The following STK24 variants were observed in gnomAD, a reference collection of about 807,000 sequenced individuals.
The protein encoded by STK24 is serine/threonine kinase 24.
A neutral mutation model predicts 55.6 loss-of-function variants in STK24; 21 were observed. The ratio of observed to expected loss-of-function variants is 0.38; its 90% CI spans 0.27 to 0.54. STK24 has a LOEUF of 0.54. Ranked by LOEUF, STK24 falls within the 20% of genes least tolerant of loss-of-function variation. STK24 has a pLI of 0.79. For missense variants in STK24, 383 were observed against 538.4 expected, an observed-to-expected ratio of 0.71 and a Z score of 2.86; for synonymous variants, 200 against 215.2, an observed-to-expected ratio of 0.93 and a Z score of 0.62.
chr13:98,453,040 C>T lies in STK24; in HGVS notation c.*133G>A, dbSNP rs528639088. On this transcript the variant is annotated 3_prime_UTR_variant, in exon 11 of 11. Transcript: ENST00000539966. ...AAGACTGTGTGTGTCCCTGGACGGG[C>T]GCCTGGCGCTGGGGTGGCTCCCAGT... is the stretch of plus-strand genomic sequence containing the variant. 555 of 948,850 alleles carry T rather than the reference C, an allele frequency of 5.8e-4. No individual in the cohort carries two copies. Among genetic ancestry groups the T allele is most frequent in the Non-Finnish European group, 7.6e-4 (475 of 625,616 alleles). The allele number at this position is 948,850 out of a possible 1,614,324, so 58.8% of individuals were successfully genotyped here. A position where few individuals can be genotyped will look rare whatever the true frequency, so the allele number is the denominator to read the frequency against.
At position 98,453,000 on chromosome 13, in the gene STK24, G is replaced by A; in HGVS notation, c.*173C>T. The stretch of plus-strand genomic sequence containing the variant: ...CCCACCCATCTGAGAGACTTCATCT[G>A]GCTGCAGCACAGTGAAGACTGTGTG... On this transcript the variant is annotated 3_prime_UTR_variant, in exon 11 of 11. Transcript: ENST00000539966. 1.7e-6 allele frequency: 1 copy of A among 571,504 alleles called. No individual in the cohort carries two copies. Among genetic ancestry groups the A allele is most frequent in the South Asian group, 2.6e-5 (1 of 38,194 alleles). The allele number at this position is 571,504 out of a possible 1,614,324, so 35.4% of individuals were successfully genotyped here. A position where few individuals can be genotyped will look rare whatever the true frequency, so the allele number is the denominator to read the frequency against.
At chr13:98,483,340 C>G (rs935757217) in intron 2 of STK24, among the ~76,000 whole-genome samples, 1 of 152,050 alleles carries the variant, frequency 6.6e-6, no homozygotes, top group South Asian at 2.1e-4. Context: ...GGGGTTCAGA[C>G]GTCAGCCTGC....
chr13:98,573,793 C>T (rs762612055), intron 1 of STK24, among the ~76,000 whole-genome samples: 2 of 152,152 alleles, frequency 1.3e-5, no homozygotes, highest in African/African-American at 4.8e-5. Flanking sequence ...CACAAATTTG[C>T]CACATAATAT....
chr13:98,460,449 A>G lies in STK24; in HGVS notation c.1054-9T>C, dbSNP rs1343547965. ...TTCGGGATGTCTTTCATCTTGGGGGAGAGGGAAAAAAAGGTCATCAGAAAC... is the reference window on the plus strand; with the variant it reads ...TTCGGGATGTCTTTCATCTTGGGGGGGAGGGAAAAAAAGGTCATCAGAAAC... On this transcript the variant is annotated splice_polypyrimidine_tract_variant and intron_variant, in intron 8 of 10. Coordinates refer to ENST00000539966, the MANE Select transcript of STK24 (RefSeq NM_001032296.4). 3.1e-6 allele frequency: 5 copies of G among 1,611,552 alleles called. No individual in the cohort carries two copies. Among genetic ancestry groups the G allele is most frequent in the Non-Finnish European group, 4.2e-6 (5 of 1,178,218 alleles).
intron 1 of STK24, among the ~76,000 whole-genome samples, chr13:98,538,032 C>T (rs898891049): frequency 2.6e-5 from 4 of 152,076 alleles, no homozygotes; most frequent in African/African-American, 9.7e-5. Context: ...TCACTTGTAG[C>T]TTCCACCCTG....
intron 2 of STK24, among the ~76,000 whole-genome samples, chr13:98,509,750 T>G (rs1759596714): frequency 6.6e-6 from 1 of 152,164 alleles, no homozygotes; most frequent in Admixed American, 6.5e-5. Flanking sequence ...TCTGCTTCCT[T>G]TAAACAGAAC....
At chr13:98,527,433 C>A (rs1369939427) in intron 1 of STK24, among the ~76,000 whole-genome samples, 1 of 152,322 alleles carries the variant, frequency 6.6e-6, no homozygotes, top group East Asian at 1.9e-4. Flanking sequence ...TGCAAAGGGG[C>A]AAGGTGCCGG....
intron 1 of STK24, among the ~76,000 whole-genome samples, chr13:98,547,663 G>A (rs866806729): frequency 2.0e-5 from 3 of 152,270 alleles, no homozygotes; most frequent in African/African-American, 4.8e-5. Flanking sequence ...GTAATGACAC[G>A]CCATGGGCTG....
intron 6 of STK24, among the ~76,000 whole-genome samples, chr13:98,464,286 G>A (rs1272687740): frequency 1.3e-5 from 2 of 151,586 alleles, no homozygotes; most frequent in East Asian, 4.0e-4. Context: ...GGGCGTGGTG[G>A]TGGGCGCCTG....
Position 98,576,906 on chromosome 13 carries a change from C to T in STK24, c.-120G>A. On this transcript the variant is annotated 5_prime_UTR_variant, in exon 1 of 11. Transcript: ENST00000539966. The stretch of plus-strand genomic sequence containing the variant: ...CGGCGGGGCCGGCCGGAGCCCGAGG[C>T]CACCCCAGCCCTGGCGGGTCCCGGC... The T allele has an allele frequency of 3.7e-6, 2 of 545,178 alleles. No homozygotes were observed. Among genetic ancestry groups the T allele is most frequent in the Non-Finnish European group, 4.6e-6 (2 of 430,414 alleles). 33.8% of individuals were successfully genotyped at this position (545,178 alleles called of 1,614,324 possible).
chr13:98,506,800 C>T (rs1895696414), intron 2 of STK24, among the ~76,000 whole-genome samples: 2 of 152,214 alleles, frequency 1.3e-5, no homozygotes, highest in African/African-American at 4.8e-5. Context: ...CTGAACTACC[C>T]AATAAATACG....
chr13:98,546,248 G>A (rs142732835), intron 1 of STK24, among the ~76,000 whole-genome samples: 105 of 152,216 alleles, frequency 6.9e-4, no homozygotes, highest in African/African-American at 2.5e-3. Context: ...ACACAGCATG[G>A]CACCTTATCC....
At chr13:98,540,362 T>A (rs1421709081) in intron 1 of STK24, among the ~76,000 whole-genome samples, 1 of 152,156 alleles carries the variant, frequency 6.6e-6, no homozygotes, top group African/African-American at 2.4e-5. Flanking sequence ...AAAATATGTA[T>A]CAATAAAGCT....
chr13:98,460,476 G>C, intron 8 of STK24, 36 bp from the exon 9 acceptor site: 1 of 1,574,258 alleles, frequency 6.4e-7, no homozygotes, highest in South Asian at 1.1e-5. Context: ...ATCAGAAACA[G>C]TTGACGTTCA....
At chr13:98,482,224 A>C in intron 3 of STK24, 41 bp downstream of exon 3, 1 of 1,203,406 alleles carries the variant, frequency 8.3e-7, no homozygotes, top group Non-Finnish European at 1.2e-6. Context: ...TTTCCTGAGA[A>C]AAAGCTTTGA....
chr13:98,495,113 A>G (rs1477842186), intron 2 of STK24, among the ~76,000 whole-genome samples: 3 of 152,242 alleles, frequency 2.0e-5, no homozygotes, highest in Non-Finnish European at 4.4e-5. Flanking sequence ...ACAAGATTCA[A>G]GAAAGGGGCC....
rs150492286 is a variant in STK24 at position 98,446,722 on chromosome 13, T to G, written c.*6451A>C. On this transcript the variant is annotated 3_prime_UTR_variant, in exon 11 of 11. Transcript: ENST00000539966. ...TCGGCTACTCGCTCACCATCCCCTC[T>G]GAGTCCGAGAACATCCAGAAAGACT... is the stretch of plus-strand genomic sequence containing the variant. 1 of 1,614,042 alleles carries G rather than the reference T, an allele frequency of 6.2e-7. No individual in the cohort carries two copies. The highest frequency in any genetic ancestry group is 2.2e-5 in the East Asian group (1 of 44,878).
intron 1 of STK24, among the ~76,000 whole-genome samples, chr13:98,544,912 C>CA (rs762972559): frequency 1.5e-4 from 23 of 151,834 alleles, no homozygotes; most frequent in Admixed American, 1.3e-3. Flanking sequence ...AAAACAATGA[C>CA]AAAAAAGCAT....
At chr13:98,575,620 C>A (rs1217276390) in intron 1 of STK24, among the ~76,000 whole-genome samples, 1 of 152,168 alleles carries the variant, frequency 6.6e-6, no homozygotes, top group Non-Finnish European at 1.5e-5. Flanking sequence ...CAGGTCTGGG[C>A]TCTGTGCTTC....
Sources: gnomAD v4.1 joint callset for allele counts (sites outside exome capture counted in the v4.1 genomes callset) on GRCh38, gnomAD v4.1.1 for gene constraint, MANE v1.5 for transcripts, NCBI Gene and HGNC (gene_info 2026-07-23, HGNC 2026-07-21) for gene names.